The following RHEB variants were observed in gnomAD, a reference collection of about 807,000 sequenced individuals.
RHEB encodes the protein Ras homolog, mTORC1 binding.
A neutral mutation model predicts 28.8 loss-of-function variants in RHEB; 2 were observed. The observed-to-expected ratio is 0.07, with a 90% CI of 0.03 to 0.22. RHEB has a LOEUF of 0.22. Among genes scored for constraint, RHEB ranks in the 10% least tolerant of loss-of-function variants. RHEB has a pLI of 1.00. For missense variants in RHEB, 76 were observed against 219.9 expected (o/e 0.35, Z 4.14); for synonymous variants, 69 against 77.3 (o/e 0.89, Z 0.56).
intron 1 of RHEB, among the ~76,000 whole-genome samples, chr7:151,518,718 G>T (rs750762040): frequency 3.9e-5 from 6 of 152,084 alleles, no homozygotes; most frequent in Non-Finnish European, 7.3e-5. Context: ...AAAACAAAAA[G>T]ACTTTGGAAT....
intron 1 of RHEB, chr7:151,517,775 A>T (rs560202962): frequency 6.6e-6 from 1 of 152,228 alleles, no homozygotes; most frequent in Non-Finnish European, 1.5e-5. Flanking sequence ...AGGGTAAATC[A>T]GTCAAGATCT....
chr7:151,468,751 C>T lies in RHEB; in HGVS notation c.463-1540G>A, dbSNP rs1034088863. Among the ~76,000 whole-genome samples, 3 of 152,206 alleles carry T rather than the reference C, an allele frequency of 2.0e-5. No individual in the cohort carries two copies. Among genetic ancestry groups the T allele is most frequent in the Non-Finnish European group, 4.4e-5 (3 of 68,024 alleles). ...CTGTTGGTATGAATGAGGCGTCTGT[C>T]CTCCTAGTTAACTGAAGCCAACCCC... is the stretch of plus-strand genomic sequence containing the variant. On this transcript the variant is annotated intron_variant, in intron 7 of 7. Coordinates refer to ENST00000262187, the MANE Select transcript of RHEB (RefSeq NM_005614.4). The surrounding 1 kb of genome is among the most constrained non-coding windows in gnomAD (Gnocchi z 4.3).
At chr7:151,512,306 T>C (rs116093786) in intron 1 of RHEB, among the ~76,000 whole-genome samples, 1,919 of 152,276 alleles carry the variant, frequency 0.013, 32 homozygotes, top group African/African-American at 0.044. Flanking sequence ...CAATCACAGG[T>C]AGAGGTGGCA....
intron 1 of RHEB, among the ~76,000 whole-genome samples, chr7:151,494,256 T>C (rs1051312909): frequency 1.3e-5 from 2 of 152,248 alleles, no homozygotes; most frequent in Non-Finnish European, 2.9e-5. Flanking sequence ...CCCCAAGCAC[T>C]GGGCAACCAG....
chr7:151,503,086 G>A lies in RHEB; in HGVS notation c.53-12072C>T, dbSNP rs1367179066. ...GTTTTGGCGTTGAAGATACACTAAA[G>A]ACTTTGGAAAAGGGAGCTGTAGAAA... On this transcript the variant is annotated intron_variant, in intron 1 of 7. Coordinates refer to ENST00000262187, the MANE Select transcript of RHEB (RefSeq NM_005614.4). 4 of 802,460 alleles carry A rather than the reference G, an allele frequency of 5.0e-6. No individual in the cohort carries two copies. The Admixed American group carries it at 6.8e-5, about 14-fold the overall frequency. The allele number at this position is 802,460 out of a possible 1,614,324, so 49.7% of individuals were successfully genotyped here. A position where few individuals can be genotyped will look rare whatever the true frequency, so the allele number is the denominator to read the frequency against.
intron 1 of RHEB, among the ~76,000 whole-genome samples, chr7:151,505,160 TAAAC>T (rs1289759361): frequency 9.7e-6 from 1 of 103,366 alleles, no homozygotes; most frequent in Non-Finnish European, 2.0e-5. Flanking sequence ...CGATACAAAA[TAAAC>T]AAAACAAAAA....
chr7:151,469,453 C>T (rs368670427), intron 7 of RHEB, among the ~76,000 whole-genome samples: 1 of 152,148 alleles, frequency 6.6e-6, no homozygotes, highest in African/African-American at 2.4e-5. Flanking sequence ...GACTACAAAC[C>T]TCCGTGCTGC....
rs190883511 is a variant in RHEB, at chr7:151,504,473, G to A, written c.53-13459C>T. On this transcript the variant is annotated intron_variant, in intron 1 of 7. Coordinates refer to ENST00000262187, the MANE Select transcript of RHEB (RefSeq NM_005614.4). ...TGAAAAGTCGGCCCTCCATACATGTGGGCTTTGCATCCAAGGAATACTGTA... is the reference window on the plus strand; with the variant it reads ...TGAAAAGTCGGCCCTCCATACATGTAGGCTTTGCATCCAAGGAATACTGTA... Among the ~76,000 whole-genome samples the A allele has an allele frequency of 1.3e-3, 196 of 152,222 alleles. 1 individual carries two copies. Among genetic ancestry groups the A allele is most frequent in the African/African-American group, 4.5e-3 (187 of 41,528 alleles).
intron 4 of RHEB, among the ~76,000 whole-genome samples, chr7:151,473,509 T>A (rs1456230543): frequency 6.6e-6 from 1 of 152,224 alleles, no homozygotes; most frequent in East Asian, 1.9e-4. Context: ...ATGTGTACTG[T>A]TCTAAGTGGC....
chr7:151,514,317 A>T (rs1454584918), intron 1 of RHEB, among the ~76,000 whole-genome samples: 1 of 152,236 alleles, frequency 6.6e-6, no homozygotes, highest in African/African-American at 2.4e-5. Context: ...GGATTAGGCA[A>T]TGGCTTCTAA....
intron 1 of RHEB, among the ~76,000 whole-genome samples, chr7:151,506,786 C>T (rs1802888795): frequency 6.6e-6 from 1 of 152,176 alleles, no homozygotes; most frequent in Admixed American, 6.5e-5. Context: ...ATTTCATGTG[C>T]TCATGGTTCT....
intron 1 of RHEB, among the ~76,000 whole-genome samples, chr7:151,506,858 T>C (rs914816401): frequency 9.2e-5 from 14 of 152,318 alleles, no homozygotes; most frequent in African/African-American, 2.9e-4. Context: ...GGTGGGCTGG[T>C]GGTGCTACAC....
At chr7:151,514,513 G>GT (rs1408540108) in intron 1 of RHEB, among the ~76,000 whole-genome samples, 2 of 152,134 alleles carry the variant, frequency 1.3e-5, no homozygotes. Context: ...AAAAGGCAGT[G>GT]TAACAATTGT....
At chr7:151,489,938 G>A (rs541248251) in intron 2 of RHEB, among the ~76,000 whole-genome samples, 18 of 152,130 alleles carry the variant, frequency 1.2e-4, no homozygotes, top group Non-Finnish European at 2.4e-4. Flanking sequence ...GCAAGCCTCC[G>A]GCCGGTGAAA....
At chr7:151,496,306 C>T (rs1054519831) in intron 1 of RHEB, among the ~76,000 whole-genome samples, 5 of 152,150 alleles carry the variant, frequency 3.3e-5, no homozygotes, top group East Asian at 1.9e-4. Context: ...CCTCTGGCAC[C>T]TGCCCTTCTT....
intron 2 of RHEB, among the ~76,000 whole-genome samples, chr7:151,485,465 G>A (rs28548118): frequency 1.3e-5 from 2 of 152,148 alleles, no homozygotes; most frequent in Admixed American, 6.5e-5. Flanking sequence ...ATAGACAAAA[G>A]AGGAAAGAAC....
intron 4 of RHEB, among the ~76,000 whole-genome samples, chr7:151,475,815 G>A (rs561263153): frequency 2.0e-5 from 3 of 152,072 alleles, no homozygotes; most frequent in Admixed American, 2.0e-4. Flanking sequence ...AGGTAATATG[G>A]AAAAATATAT....
chr7:151,498,123 C>T (rs914525057), intron 1 of RHEB: 28 of 1,289,480 alleles, frequency 2.2e-5, no homozygotes, highest in Non-Finnish European at 2.5e-5. Flanking sequence ...TGCACCTGTG[C>T]GCCCTGCAGA....
intron 4 of RHEB, among the ~76,000 whole-genome samples, chr7:151,475,056 A>T (rs1802248550): frequency 6.6e-6 from 1 of 152,216 alleles, no homozygotes; most frequent in Non-Finnish European, 1.5e-5. Context: ...ACTTGGTCAA[A>T]ACTTGCAACA....
Sources: allele counts gnomAD v4.1 joint callset (sites outside exome capture counted in the v4.1 genomes callset), GRCh38; gene constraint gnomAD v4.1.1; non-coding constraint Gnocchi (gnomAD v3.1); transcripts MANE v1.5; gene names NCBI Gene and HGNC (gene_info 2026-07-23, HGNC 2026-07-21).